GALNT17: variants seen among roughly 807,000 people sequenced by gnomAD.
GALNT17 encodes the protein UDP-GalNAc:polypeptide N-acetylgalactosaminyltransferase-like 3.
Under a neutral mutation model 63.7 loss-of-function variants are expected in GALNT17, and 29 were observed. The ratio of observed to expected loss-of-function variants is 0.46; its 90% CI spans 0.34 to 0.62. The LOEUF is 0.62. GALNT17 is among the 20% of genes least tolerant of loss of function. The pLI, the probability that GALNT17 is intolerant of heterozygous loss-of-function variation, is 0.01. For synonymous variants in GALNT17, 305 were observed against 318.3 expected (o/e 0.96, Z 0.45); for missense variants, 603 against 799.6 (o/e 0.75, Z 2.97).
intron 1 of GALNT17, among the ~76,000 whole-genome samples, chr7:71,233,239 T>A (rs1360744250): frequency 6.6e-6 from 1 of 152,070 alleles, no homozygotes; most frequent in African/African-American, 2.4e-5. Context: ...CCTGGGGCAG[T>A]GTCAGGGGTA....
intron 2 of GALNT17, among the ~76,000 whole-genome samples, chr7:71,348,944 A>C (rs995722917): frequency 5.3e-5 from 8 of 152,178 alleles, no homozygotes; most frequent in African/African-American, 1.9e-4. Context: ...AGGCGTCTAC[A>C]TGGGCACACA....
chr7:71,595,779 A>G (rs980386327), intron 6 of GALNT17, among the ~76,000 whole-genome samples: 1 of 152,106 alleles, frequency 6.6e-6, no homozygotes, highest in Non-Finnish European at 1.5e-5. Context: ...CAAGACAACT[A>G]CAGATATTCT....
At chr7:71,184,847 T>C (rs1788804031) in intron 1 of GALNT17, among the ~76,000 whole-genome samples, 1 of 152,130 alleles carries the variant, frequency 6.6e-6, no homozygotes, top group African/African-American at 2.4e-5. Flanking sequence ...TTTAGGGCAG[T>C]GTATAAGACT....
intron 1 of GALNT17, among the ~76,000 whole-genome samples, chr7:71,167,615 G>A (rs879496022): frequency 1.3e-5 from 2 of 151,978 alleles, no homozygotes; most frequent in Non-Finnish European, 1.5e-5. Context: ...TTCTTTTATG[G>A]ATCATACTTT....
chr7:71,705,480 G>T (rs1411450371), intron 9 of GALNT17, among the ~76,000 whole-genome samples: 1 of 152,096 alleles, frequency 6.6e-6, no homozygotes, highest in Admixed American at 6.6e-5. Context: ...TAAACATAGA[G>T]TTACCATATG....
At chr7:71,145,223 G>T (rs1292482465) in intron 1 of GALNT17, among the ~76,000 whole-genome samples, 1 of 152,114 alleles carries the variant, frequency 6.6e-6, no homozygotes, top group Non-Finnish European at 1.5e-5. Flanking sequence ...TGTCTCAAAG[G>T]GAAAACTGAA....
At chr7:71,496,043 T>G (rs1788088941) in intron 5 of GALNT17, among the ~76,000 whole-genome samples, 2 of 152,174 alleles carry the variant, frequency 1.3e-5, no homozygotes, top group African/African-American at 2.4e-5. Flanking sequence ...ACACCATCTG[T>G]GGGGGCTCCA....
chr7:71,160,989 A>G (rs1197025816), intron 1 of GALNT17, among the ~76,000 whole-genome samples: 1 of 151,786 alleles, frequency 6.6e-6, no homozygotes, highest in Non-Finnish European at 1.5e-5. Flanking sequence ...GCATGCCACT[A>G]TGCCTGGCTA....
chr7:71,510,985 C>A (rs1425409902), intron 5 of GALNT17, among the ~76,000 whole-genome samples: 1 of 152,030 alleles, frequency 6.6e-6, no homozygotes, highest in Non-Finnish European at 1.5e-5. Flanking sequence ...TCAGCCTGGG[C>A]AACATAGTAA....
At chr7:71,459,989 C>T (rs1251404855) in intron 5 of GALNT17, among the ~76,000 whole-genome samples, 2 of 152,130 alleles carry the variant, frequency 1.3e-5, no homozygotes, top group Non-Finnish European at 2.9e-5. Context: ...CCTGGAAGCC[C>T]GCAGCTTCGA....
At chr7:71,563,305 T>C (rs867053040) in intron 5 of GALNT17, among the ~76,000 whole-genome samples, 3 of 152,198 alleles carry the variant, frequency 2.0e-5, no homozygotes, top group Non-Finnish European at 2.9e-5. Context: ...CAACTGCAGC[T>C]TCCACAGCTG....
chr7:71,142,048 T>TG (rs1787906800), intron 1 of GALNT17, among the ~76,000 whole-genome samples: 1 of 74,766 alleles, frequency 1.3e-5, no homozygotes, highest in Non-Finnish European at 2.6e-5. Flanking sequence ...GTGTGTGTGT[T>TG]TAGTAGAGAT....
At chr7:71,389,414 C>T (rs1161838189) in intron 3 of GALNT17, among the ~76,000 whole-genome samples, 2 of 151,658 alleles carry the variant, frequency 1.3e-5, no homozygotes, top group Non-Finnish European at 2.9e-5. Flanking sequence ...GATTACAGGC[C>T]ATGAGCCACC....
intron 6 of GALNT17, among the ~76,000 whole-genome samples, chr7:71,594,731 A>G (rs1789861693): frequency 6.6e-6 from 1 of 152,186 alleles, no homozygotes; most frequent in African/African-American, 2.4e-5. Context: ...AGGTTGGTCG[A>G]TATTCCAGTT....
At chr7:71,510,310 C>A (rs1162934920) in intron 5 of GALNT17, among the ~76,000 whole-genome samples, 1 of 152,116 alleles carries the variant, frequency 6.6e-6, no homozygotes, top group Non-Finnish European at 1.5e-5. Context: ...TCAACACAAT[C>A]CATTTTAGAC....
chr7:71,356,883 G>C lies in GALNT17; in HGVS notation c.422+21150G>C, dbSNP rs748879773. 3.0e-4 allele frequency among the ~76,000 whole-genome samples: 45 copies of C among 152,280 alleles called. 1 individual carries two copies. The highest frequency in any genetic ancestry group is 7.2e-4 in the Admixed American group (11 of 15,292). On this transcript the variant is annotated intron_variant, in intron 2 of 10. Transcript: ENST00000333538. The stretch of plus-strand genomic sequence containing the variant: ...TGCAACCACCGCCTTCTGGGTTCAA[G>C]CAGTTCTTCTGCCTCAGCCTCCCAA...
rs145602625 is a variant in GALNT17 at position 71,472,319 on chromosome 7, A to G, written c.962+51214A>G. On this transcript the variant is annotated intron_variant, in intron 5 of 10. Transcript: ENST00000333538. ...GAGTTTGGAGGGGACACAAACATTT[A>G]GCTCATAATGGTTATTGTGGAAGAT... Among the ~76,000 whole-genome samples the G allele has an allele frequency of 5.3e-3, 801 of 152,324 alleles. 8 individuals are homozygous for G. Among genetic ancestry groups the G allele is most frequent in the African/African-American group, 0.018 (765 of 41,558 alleles).
intron 5 of GALNT17, among the ~76,000 whole-genome samples, chr7:71,431,189 ATTTTTTTTTCTTTTCTTTTC>A (rs1182362921): frequency 2.7e-4 from 34 of 126,090 alleles, no homozygotes; most frequent in Admixed American, 2.3e-3. Context: ...CCCTATGAGT[ATTTTTTTTTCTTTTCTTTTC>A]TTTTTTTTTT....
chr7:71,196,079 A>G (rs989190044), intron 1 of GALNT17, among the ~76,000 whole-genome samples: 1 of 152,102 alleles, frequency 6.6e-6, no homozygotes, highest in Non-Finnish European at 1.5e-5. Flanking sequence ...AGTCTCCTCC[A>G]GACCTCCTCC....
Sources: allele counts gnomAD v4.1 joint callset (sites outside exome capture counted in the v4.1 genomes callset), GRCh38; gene constraint gnomAD v4.1.1; transcripts MANE v1.5; gene names NCBI Gene and HGNC (gene_info 2026-07-23, HGNC 2026-07-21).